The following PTPRE variants were observed in gnomAD, a reference collection of about 807,000 sequenced individuals.
The protein encoded by PTPRE is receptor-type tyrosine-protein phosphatase epsilon.
PTPRE carries 51 observed loss-of-function variants against 102.0 expected under a neutral mutation model. That is an observed-to-expected ratio of 0.50 (90% confidence interval 0.40 to 0.63). The LOEUF is 0.63. Among genes scored for constraint, PTPRE ranks in the 30% least tolerant of loss-of-function variants. PTPRE has a pLI of 0.00. For missense variants in PTPRE, 752 were observed against 915.1 expected (o/e 0.82, Z 2.30); for synonymous variants, 345 against 348.2 (o/e 0.99, Z 0.10).
intron 1 of PTPRE, among the ~76,000 whole-genome samples, chr10:127,961,439 G>A (rs1477709881): frequency 6.6e-6 from 1 of 152,240 alleles, no homozygotes; most frequent in African/African-American, 2.4e-5. Flanking sequence ...AGAGGAAACG[G>A]TAAAGACCCA....
At chr10:128,013,494 T>G (rs1242524363) in intron 2 of PTPRE, among the ~76,000 whole-genome samples, 2 of 152,136 alleles carry the variant, frequency 1.3e-5, no homozygotes, top group African/African-American at 2.4e-5. Context: ...AGAAAAGCAA[T>G]CCTTTAAACG....
intron 2 of PTPRE, among the ~76,000 whole-genome samples, chr10:128,031,665 G>C (rs1317655162): frequency 6.6e-6 from 1 of 152,200 alleles, no homozygotes; most frequent in Admixed American, 6.5e-5. Flanking sequence ...GCCAGATGAC[G>C]GGCAGGTGCA....
intron 1 of PTPRE, among the ~76,000 whole-genome samples, chr10:127,962,107 G>A (rs922637635): frequency 5.3e-5 from 8 of 152,198 alleles, no homozygotes; most frequent in Non-Finnish European, 8.8e-5. Context: ...AGCACAGTAA[G>A]TATTCTGTTC....
intron 2 of PTPRE, among the ~76,000 whole-genome samples, chr10:128,034,860 A>G (rs1280572322): frequency 1.3e-5 from 2 of 152,272 alleles, no homozygotes; most frequent in Admixed American, 6.5e-5. Flanking sequence ...GAAACATATT[A>G]GGAACAGATA....
chr10:128,056,814 G>A (rs770718245), intron 7 of PTPRE, among the ~76,000 whole-genome samples: 1 of 152,098 alleles, frequency 6.6e-6, no homozygotes, highest in Non-Finnish European at 1.5e-5. Flanking sequence ...GTGTGCGGGG[G>A]TGCGTCTCGG....
chr10:127,952,104 A>T (rs1849072278), intron 1 of PTPRE, among the ~76,000 whole-genome samples: 1 of 152,194 alleles, frequency 6.6e-6, no homozygotes, highest in Admixed American at 6.5e-5. Flanking sequence ...TCAGGGGTAT[A>T]TCAGTTCTCT....
At chr10:127,939,453 T>C (rs1318639517) in intron 1 of PTPRE, among the ~76,000 whole-genome samples, 1 of 152,082 alleles carries the variant, frequency 6.6e-6, no homozygotes, top group Non-Finnish European at 1.5e-5. Flanking sequence ...TATTCCAGAA[T>C]AAAAACAAGC....
chr10:128,077,768 TCACCGTG>T lies in PTPRE; in HGVS notation c.1881_1887del (p.Val628AlafsTer12). ...CAGCAGCAGACAGGCAACCACCCCA[TCACCGTG>T]CACTGCAGGTGAGCCCCCAGCCCGA... On this transcript the variant is annotated frameshift_variant, in exon 19 of 21. Coordinates refer to ENST00000254667, the MANE Select transcript of PTPRE (RefSeq NM_006504.6). LOFTEE classifies it high-confidence loss of function. 1 of 1,602,954 alleles carries T rather than the reference TCACCGTG, an allele frequency of 6.2e-7. No homozygotes were observed. Among genetic ancestry groups the T allele is most frequent in the Non-Finnish European group, 8.5e-7 (1 of 1,171,060 alleles).
intron 1 of PTPRE, among the ~76,000 whole-genome samples, chr10:127,931,394 G>T (rs1847430869): frequency 6.6e-6 from 1 of 152,226 alleles, no homozygotes; most frequent in Non-Finnish European, 1.5e-5. Flanking sequence ...ACCTTTGAAA[G>T]ACACACTGAC....
intron 1 of PTPRE, among the ~76,000 whole-genome samples, chr10:127,974,561 G>A (rs1333187535): frequency 1.3e-5 from 2 of 152,140 alleles, no homozygotes; most frequent in Admixed American, 6.5e-5. Context: ...CTGTTTATAA[G>A]CCTGTCCTCT....
intron 1 of PTPRE, among the ~76,000 whole-genome samples, chr10:127,981,151 C>T (rs143360137): frequency 1.2e-4 from 19 of 152,258 alleles, no homozygotes; most frequent in Admixed American, 3.9e-4. Flanking sequence ...CTGGTACATG[C>T]TACAATAGGG....
At position 128,070,680 on chromosome 10, in the gene PTPRE, G is replaced by A; in HGVS notation, c.1294-128G>A. Reference sequence around the variant, plus strand: ...CATTTGTATTTCCCAATGCTAAGGAGGCTTCCTGGGTTGGAGAGTGGTTTC... The same window carrying A: ...CATTTGTATTTCCCAATGCTAAGGAAGCTTCCTGGGTTGGAGAGTGGTTTC... On this transcript the variant is annotated intron_variant, in intron 14 of 20. Transcript: ENST00000254667. This position sits in a 1 kb window ranked among gnomAD's most constrained non-coding sequence, Gnocchi z 4.8. 2 of 1,195,516 alleles carry A rather than the reference G, an allele frequency of 1.7e-6. No individual in the cohort carries two copies. Among genetic ancestry groups the A allele is most frequent in the East Asian group, 2.6e-5 (1 of 39,210 alleles). The allele number at this position is 1,195,516 out of a possible 1,614,324, so 74.1% of individuals were successfully genotyped here.
chr10:127,987,011 T>C (rs1262867106), intron 2 of PTPRE, among the ~76,000 whole-genome samples: 1 of 152,254 alleles, frequency 6.6e-6, no homozygotes, highest in Non-Finnish European at 1.5e-5. Flanking sequence ...ATTATTCTCC[T>C]GGTGACTGAA....
chr10:127,908,650 A>G (rs1237970769), intron 1 of PTPRE, among the ~76,000 whole-genome samples: 1 of 152,160 alleles, frequency 6.6e-6, no homozygotes, highest in African/African-American at 2.4e-5. Context: ...AAAAGGTCAG[A>G]GGCGAGGTGG....
At chr10:127,927,948 A>T (rs780768304) in intron 1 of PTPRE, among the ~76,000 whole-genome samples, 1 of 152,210 alleles carries the variant, frequency 6.6e-6, no homozygotes. Flanking sequence ...TCCATACTTC[A>T]TATTGCATTT....
intron 1 of PTPRE, among the ~76,000 whole-genome samples, chr10:127,964,565 T>A (rs1850092126): frequency 6.6e-6 from 1 of 151,230 alleles, no homozygotes; most frequent in Admixed American, 6.6e-5. Context: ...TAGTTCCATT[T>A]TTTTTTTTTT....
In PTPRE at chr10:128,072,217, A is replaced by G. The variant is rs760535804; in HGVS notation, c.1464+3A>G. Reference sequence around the variant, plus strand: ...ACATCAACGCATCCTTCATAGACGTACGTATGCTGGCCTGGGTTGTGTTTA... The same window carrying G: ...ACATCAACGCATCCTTCATAGACGTGCGTATGCTGGCCTGGGTTGTGTTTA... On this transcript the variant is annotated splice_donor_region_variant and intron_variant, in intron 16 of 20. Coordinates refer to ENST00000254667, the MANE Select transcript of PTPRE (RefSeq NM_006504.6). 6.2e-6 allele frequency: 10 copies of G among 1,612,204 alleles called. No homozygotes were observed. The African/African-American group carries it at 1.3e-4, about 22-fold the overall frequency.
chr10:127,938,897 C>T (rs961430590), intron 1 of PTPRE, among the ~76,000 whole-genome samples: 1 of 152,082 alleles, frequency 6.6e-6, no homozygotes, highest in African/African-American at 2.4e-5. Flanking sequence ...GGGCGCTCTG[C>T]GTTGGAATCA....
At position 128,082,816 on chromosome 10, in the gene PTPRE, T is replaced by C; in HGVS notation, c.2029-16T>C. ...TTGGGAATATCATTTTAATGTGTCC[T>C]TGTTTGTCTTTTCAGGAACAGTATG... On this transcript the variant is annotated splice_polypyrimidine_tract_variant and intron_variant, in intron 20 of 20. Coordinates refer to ENST00000254667, the MANE Select transcript of PTPRE (RefSeq NM_006504.6). 1 of 1,551,518 alleles carries C rather than the reference T, an allele frequency of 6.4e-7. No individual in the cohort carries two copies. Among genetic ancestry groups the C allele is most frequent in the Non-Finnish European group, 8.6e-7 (1 of 1,160,832 alleles).
Sources: allele counts gnomAD v4.1 joint callset (sites outside exome capture counted in the v4.1 genomes callset), GRCh38; gene constraint gnomAD v4.1.1; non-coding constraint Gnocchi (gnomAD v3.1); transcripts MANE v1.5; gene names NCBI Gene and HGNC (gene_info 2026-07-23, HGNC 2026-07-21).